The following DUSP11 variants were observed in gnomAD, a reference collection of about 807,000 sequenced individuals.
DUSP11 encodes the protein dual specificity phosphatase 11.
Under a neutral mutation model 41.4 loss-of-function variants are expected in DUSP11, and 27 were observed. That is an observed-to-expected ratio of 0.65 (90% CI 0.48 to 0.90). DUSP11 has a LOEUF of 0.90. Ranked by LOEUF, DUSP11 falls within the 40% of genes least tolerant of loss-of-function variation. The pLI is 0.00. For missense variants in DUSP11, 465 were observed against 461.1 expected, an observed-to-expected ratio of 1.01 and a Z score of -0.08; for synonymous variants, 188 against 159.3, an observed-to-expected ratio of 1.18 and a Z score of -1.35.
At chr2:73,773,485 C>A in intron 4 of DUSP11, 1 of 371,432 alleles carries the variant, frequency 2.7e-6, no homozygotes, top group Admixed American at 3.7e-5. Flanking sequence ...ATCTTTTCTT[C>A]TACTTCTCAC....
At chr2:73,775,312 G>C (rs1672657713) in intron 2 of DUSP11, among the ~76,000 whole-genome samples, 1 of 150,122 alleles carries the variant, frequency 6.7e-6, no homozygotes. Flanking sequence ...ATTCACCACT[G>C]TATCTCCAGC....
At chr2:73,775,183 T>A (rs1167866556) in intron 2 of DUSP11, 139 bp from the exon 3 acceptor site, 1 of 696,710 alleles carries the variant, frequency 1.4e-6, no homozygotes, top group Non-Finnish European at 2.2e-6. Context: ...AGAAGGTATA[T>A]TACAACAATC....
At chr2:73,780,149 T>G (rs766546920) in exon 1 of DUSP11, 50 of 1,550,780 alleles carry the variant, frequency 3.2e-5, no homozygotes, top group Non-Finnish European at 3.1e-5. Context: ...GTAGCCACGC[T>G]GGCTTACTGA....
chr2:73,775,533 C>T (rs1011750723), intron 2 of DUSP11, among the ~76,000 whole-genome samples: 3 of 131,450 alleles, frequency 2.3e-5, no homozygotes, highest in Non-Finnish European at 5.0e-5. Flanking sequence ...CATGAACCAC[C>T]ACACCTGGCC....
At chr2:73,762,852 A>G (rs1672388943) in exon 9 of DUSP11, 2 of 1,569,298 alleles carry the variant, frequency 1.3e-6, no homozygotes. Flanking sequence ...GGATTCTCTG[A>G]AAATTTTCTT....
rs1672479741 is a variant in DUSP11 at position 73,767,074 on chromosome 2, C to CT, written c.682+86dup. On this transcript the variant is annotated intron_variant, in intron 6 of 8. Coordinates refer to ENST00000272444, the Ensembl canonical transcript of DUSP11. ...ATTGGAACAAACGAATTACAAACTT[C>CT]TTTTTTTCCAAAATTTGATAAATTC... 5 of 1,428,658 alleles carry CT rather than the reference C, an allele frequency of 3.5e-6. No homozygotes were observed. In the South Asian group the frequency reaches 6.0e-5, roughly 17 times the overall value. The allele number at this position is 1,428,658 out of a possible 1,614,324, so 88.5% of individuals were successfully genotyped here.
chr2:73,779,851 G>T, intron 1 of DUSP11, 23 bp downstream of exon 1: 1 of 1,612,558 alleles, frequency 6.2e-7, no homozygotes, highest in Non-Finnish European at 8.5e-7. Context: ...GAAAGGCCAC[G>T]CCAAGGGACC....
In DUSP11 at chr2:73,766,735, C is replaced by T. The variant is rs1365226934; in HGVS notation, c.758+93G>A. The T allele has an allele frequency of 5.8e-6, 8 of 1,376,396 alleles. No homozygotes were observed. The East Asian group carries it at 1.6e-4, about 28-fold the overall frequency. 85.3% of individuals were successfully genotyped at this position (1,376,396 alleles called of 1,614,324 possible). On this transcript the variant is annotated intron_variant, in intron 7 of 8. Coordinates refer to ENST00000272444, the Ensembl canonical transcript of DUSP11. The stretch of plus-strand genomic sequence containing the variant: ...TTTACATCTCCCCCCAACAAACAAA[C>T]AAGCTACCAGAAGAATGAACATATG...
intron 4 of DUSP11, among the ~76,000 whole-genome samples, chr2:73,770,392 G>A (rs1672551224): frequency 6.6e-6 from 1 of 151,866 alleles, no homozygotes; most frequent in South Asian, 2.1e-4. Context: ...GTGGGTGCCT[G>A]TAATCCCAGC....
intron 5 of DUSP11, chr2:73,768,346 T>G: frequency 1.9e-6 from 1 of 519,972 alleles, no homozygotes; most frequent in Non-Finnish European, 2.5e-6. Context: ...CTCCCTAGAC[T>G]GTTAGGACGC....
intron 4 of DUSP11, among the ~76,000 whole-genome samples, chr2:73,772,990 C>T (rs1046639895): frequency 6.6e-6 from 1 of 152,220 alleles, no homozygotes; most frequent in African/African-American, 2.4e-5. Flanking sequence ...AATGAAGCCT[C>T]TGTCCTGTGG....
At chr2:73,778,207 T>C (rs1672720409) in intron 2 of DUSP11, 94 bp downstream of exon 2, 4 of 815,296 alleles carry the variant, frequency 4.9e-6, no homozygotes, top group South Asian at 1.9e-5. Flanking sequence ...GTATTTGCTA[T>C]AAAAAGAGAA....
At chr2:73,768,861 CAGG>C (rs1672520286) in intron 5 of DUSP11, 1 of 168,460 alleles carries the variant, frequency 5.9e-6, no homozygotes, top group Non-Finnish European at 1.2e-5. Flanking sequence ...GAGGCTGAGG[CAGG>C]AGAACGGCGT....
chr2:73,776,896 T>C (rs1339109194), intron 2 of DUSP11, among the ~76,000 whole-genome samples: 1 of 152,234 alleles, frequency 6.6e-6, no homozygotes, highest in Non-Finnish European at 1.5e-5. Flanking sequence ...GAAGCCCTTT[T>C]ATAGGTTTTG....
chr2:73,770,691 T>C (rs1672557941), intron 4 of DUSP11, among the ~76,000 whole-genome samples: 1 of 152,174 alleles, frequency 6.6e-6, no homozygotes, highest in Non-Finnish European at 1.5e-5. Flanking sequence ...TAGCATAGCA[T>C]GAAGCCCAAA....
chr2:73,769,217 CA>C, intron 5 of DUSP11, 47 bp downstream of exon 5: 1 of 1,517,506 alleles, frequency 6.6e-7, no homozygotes, highest in Non-Finnish European at 9.1e-7. Context: ...CCATTGTAAA[CA>C]GACAAAAACA....
At chr2:73,768,288 G>T in intron 5 of DUSP11, 1 of 206,494 alleles carries the variant, frequency 4.8e-6, no homozygotes, top group Non-Finnish European at 8.5e-6. Context: ...AGCACTTGTT[G>T]GAATTGTAAT....
intron 2 of DUSP11, among the ~76,000 whole-genome samples, chr2:73,775,309 A>G (rs1004841262): frequency 6.6e-6 from 1 of 150,914 alleles, no homozygotes; most frequent in Non-Finnish European, 1.5e-5. Context: ...TTTATTCACC[A>G]CTGTATCTCC....
intron 8 of DUSP11, among the ~76,000 whole-genome samples, chr2:73,764,292 T>A (rs1672417030): frequency 6.6e-6 from 1 of 152,140 alleles, no homozygotes; most frequent in African/African-American, 2.4e-5. Context: ...TTTTTTAAAG[T>A]TTCTTTTTTC....
Sources: gnomAD v4.1 joint callset for allele counts (sites outside exome capture counted in the v4.1 genomes callset) on GRCh38, gnomAD v4.1.1 for gene constraint, MANE v1.5 for transcripts, NCBI Gene and HGNC (gene_info 2026-07-23, HGNC 2026-07-21) for gene names.